PRDM16: variants seen among roughly 807,000 people sequenced by gnomAD.
PRDM16 encodes the protein PR/SET domain 16, also known as histone-lysine N-methyltransferase PRDM16.
Under a neutral mutation model 110.6 loss-of-function variants are expected in PRDM16, and 23 were observed. The observed-to-expected ratio is 0.21, with a 90% CI of 0.15 to 0.29. The LOEUF is 0.29. PRDM16 is among the 10% of genes least tolerant of loss of function. The pLI, the probability that PRDM16 is intolerant of heterozygous loss-of-function variation, is 1.00. For missense variants in PRDM16, 1,615 were observed against 1,794.3 expected, an observed-to-expected ratio of 0.90 and a Z score of 1.81; for synonymous variants, 799 against 781.8, an observed-to-expected ratio of 1.02 and a Z score of -0.37.
In PRDM16 at chr1:3,201,990, C is replaced by T. The variant is rs868824329; in HGVS notation, c.387+15516C>T. Among the ~76,000 whole-genome samples the T allele has an allele frequency of 5.3e-5, 8 of 152,202 alleles. No individual in the cohort carries two copies. Among genetic ancestry groups the T allele is most frequent in the Admixed American group, 1.3e-4 (2 of 15,284 alleles). ...CCCGTACATAATAGTGGGTCCCACA[C>T]GTCCATGAGGCAGGGGACGCCCTCA... On this transcript the variant is annotated intron_variant, in intron 2 of 16. Transcript: ENST00000270722. The surrounding 1 kb of genome is among the most constrained non-coding windows in gnomAD (Gnocchi z 4.1).
At chr1:3,226,072 C>T (rs1639282957) in intron 2 of PRDM16, among the ~76,000 whole-genome samples, 1 of 152,236 alleles carries the variant, frequency 6.6e-6, no homozygotes, top group Non-Finnish European at 1.5e-5. Context: ...CCTCCCAGGA[C>T]CCTTGGGTGA....
chr1:3,324,584 G>A (rs953789371), intron 3 of PRDM16, among the ~76,000 whole-genome samples: 1 of 152,124 alleles, frequency 6.6e-6, no homozygotes, highest in Admixed American at 6.5e-5. Context: ...ACAGCCGAGC[G>A]ACCTGGCACC....
chr1:3,434,091 C>T lies in PRDM16; in HGVS notation c.*280C>T. 1 of 399,142 alleles carries T rather than the reference C, an allele frequency of 2.5e-6. No individual in the cohort carries two copies. The highest frequency in any genetic ancestry group is 4.5e-6 in the Non-Finnish European group (1 of 221,528). 24.7% of individuals were successfully genotyped at this position (399,142 alleles called of 1,614,324 possible). A position where few individuals can be genotyped will look rare whatever the true frequency, so the allele number is the denominator to read the frequency against. On this transcript the variant is annotated 3_prime_UTR_variant, in exon 17 of 17. Coordinates refer to ENST00000270722, the MANE Select transcript of PRDM16 (RefSeq NM_022114.4). ...AAAGACAGCCAACGGAGCTGCCTCG[C>T]AGAATCAGCCAGTGGGCAGGTGGAC...
At chr1:3,210,486 G>A (rs982289768) in intron 2 of PRDM16, among the ~76,000 whole-genome samples, 9 of 152,236 alleles carry the variant, frequency 5.9e-5, no homozygotes, top group South Asian at 4.1e-4. Context: ...AAGTGTGTGC[G>A]TGCACGCGTG....
chr1:3,188,169 T>C (rs939297055), intron 2 of PRDM16, among the ~76,000 whole-genome samples: 1 of 152,294 alleles, frequency 6.6e-6, no homozygotes, highest in South Asian at 2.1e-4. Flanking sequence ...GAAAGTAACT[T>C]TGGCAGAAGT....
intron 3 of PRDM16, among the ~76,000 whole-genome samples, chr1:3,250,647 T>C (rs778553188): frequency 6.6e-6 from 1 of 152,178 alleles, no homozygotes; most frequent in Non-Finnish European, 1.5e-5. Flanking sequence ...ACCCTGCGTG[T>C]CTGAGGTGGC....
chr1:3,302,478 AT>A (rs1250678473), intron 3 of PRDM16, among the ~76,000 whole-genome samples: 1 of 150,966 alleles, frequency 6.6e-6, no homozygotes, highest in Non-Finnish European at 1.5e-5. Flanking sequence ...GCCCCAAAGT[AT>A]CCATTGTTGC....
At chr1:3,426,660 A>G (rs958207096) in intron 14 of PRDM16, among the ~76,000 whole-genome samples, 1 of 152,188 alleles carries the variant, frequency 6.6e-6, no homozygotes, top group African/African-American at 2.4e-5. Flanking sequence ...ACACATGCAC[A>G]CATAGGTATG....
intron 9 of PRDM16, among the ~76,000 whole-genome samples, chr1:3,413,690 C>G (rs1643733604): frequency 6.6e-6 from 1 of 152,160 alleles, no homozygotes; most frequent in Non-Finnish European, 1.5e-5. Context: ...GGCAGGTTTA[C>G]CAAAGCGCTC....
intron 2 of PRDM16, among the ~76,000 whole-genome samples, chr1:3,194,780 G>A (rs528723374): frequency 1.3e-5 from 2 of 152,292 alleles, no homozygotes; most frequent in Admixed American, 6.5e-5. Context: ...TCAGTCCCAC[G>A]TTTTATCATC....
intron 2 of PRDM16, among the ~76,000 whole-genome samples, chr1:3,241,556 G>A (rs1480384802): frequency 6.6e-6 from 1 of 152,216 alleles, no homozygotes; most frequent in Non-Finnish European, 1.5e-5. Flanking sequence ...AACTATTGGG[G>A]CCGGTGTTGG....
chr1:3,102,315 C>T (rs1490751077), intron 1 of PRDM16, among the ~76,000 whole-genome samples: 1 of 152,200 alleles, frequency 6.6e-6, no homozygotes, highest in Non-Finnish European at 1.5e-5. Context: ...CCTCTGGTTT[C>T]CCTGGGGCTT....
intron 5 of PRDM16, among the ~76,000 whole-genome samples, chr1:3,398,769 G>A (rs958523244): frequency 2.0e-5 from 3 of 152,246 alleles, no homozygotes; most frequent in Non-Finnish European, 2.9e-5. Context: ...CTTAGTTGGC[G>A]TAGGTGACAG....
intron 2 of PRDM16, among the ~76,000 whole-genome samples, chr1:3,200,908 CAGAGGAGGAAG>C (rs772736290): frequency 6.7e-5 from 10 of 148,942 alleles, no homozygotes; most frequent in Non-Finnish European, 1.3e-4. Flanking sequence ...GAACCGGGGG[CAGAGGAGGAAG>C]AGAGGAGGAA....
chr1:3,301,668 G>A (rs1381520441), intron 3 of PRDM16, among the ~76,000 whole-genome samples: 1 of 152,188 alleles, frequency 6.6e-6, no homozygotes, highest in Admixed American at 6.5e-5. Context: ...GATAGAGAAG[G>A]TCTGGCCAGA....
At chr1:3,364,942 C>T (rs1642783551) in intron 3 of PRDM16, among the ~76,000 whole-genome samples, 1 of 152,210 alleles carries the variant, frequency 6.6e-6, no homozygotes, top group South Asian at 2.1e-4. Context: ...TACGCCGTCC[C>T]TCATTCCCTC....
intron 1 of PRDM16, among the ~76,000 whole-genome samples, chr1:3,134,442 C>T (rs1309987915): frequency 3.3e-5 from 5 of 152,232 alleles, no homozygotes; most frequent in South Asian, 2.1e-4. Context: ...AAGTTGGGGC[C>T]GAGGGGCCAC....
At chr1:3,283,390 C>T (rs915214796) in intron 3 of PRDM16, among the ~76,000 whole-genome samples, 8 of 152,138 alleles carry the variant, frequency 5.3e-5, no homozygotes, top group Admixed American at 1.3e-4. Context: ...CCCTCTCTCC[C>T]TCCCTCCCTC....
chr1:3,431,058 G>T lies in PRDM16; in HGVS notation c.3471G>T (p.Glu1157Asp). 1.3e-6 allele frequency: 2 copies of T among 1,556,750 alleles called. No individual in the cohort carries two copies. Among genetic ancestry groups the T allele is most frequent in the Non-Finnish European group, 1.7e-6 (2 of 1,150,466 alleles). ...CCCAGGCCGCCTACGAGGATGAGGAGGATGAGGAGCCAGCCGCCTCCCTGG... is the reference window on the plus strand; with the variant it reads ...CCCAGGCCGCCTACGAGGATGAGGATGATGAGGAGCCAGCCGCCTCCCTGG... Reference protein sequence around the residue: ...PEPQAAYEDEEDEEPAASLAV... With the variant: ...PEPQAAYEDEDDEEPAASLAV... Residue 1157 changes from glutamate (E) to aspartate (D), a missense_variant, in exon 15 of 17, where the codon GAG becomes GAT. Glu to Asp is a conservative substitution (Grantham distance 45). Around this residue, in one of 5 missense-constraint regions of PRDM16, gnomAD observed 327 missense variants for 359.3 expected, o/e 0.91. Transcript: ENST00000270722.
Sources: allele counts gnomAD v4.1 joint callset (sites outside exome capture counted in the v4.1 genomes callset), GRCh38; gene constraint gnomAD v4.1.1; regional missense constraint gnomAD v4.1.1; non-coding constraint Gnocchi (gnomAD v3.1); transcripts MANE v1.5; gene names NCBI Gene and HGNC (gene_info 2026-07-23, HGNC 2026-07-21).